The following SLIT1 variants were observed in gnomAD, a reference collection of about 807,000 sequenced individuals.
SLIT1 encodes the protein slit homolog 1 protein.
In SLIT1, 66 loss-of-function variants were observed where a neutral mutation model predicts 186.1. The observed-to-expected ratio is 0.35, with a 90% confidence interval of 0.29 to 0.44. The LOEUF (loss-of-function observed/expected upper bound fraction) is 0.44, where lower values mean the gene tolerates loss of function less well. SLIT1 is among the 20% of genes least tolerant of loss of function. SLIT1 has a pLI of 1.00. For missense variants in SLIT1, 1,638 were observed against 2,037.4 expected (o/e 0.80, Z 3.77); for synonymous variants, 761 against 833.8 (o/e 0.91, Z 1.50).
intron 4 of SLIT1, among the ~76,000 whole-genome samples, chr10:97,084,104 C>T (rs1304435823): frequency 6.6e-6 from 1 of 152,208 alleles, no homozygotes; most frequent in East Asian, 1.9e-4. Flanking sequence ...CAGCCAAATT[C>T]TGGGGGAGAC....
intron 7 of SLIT1, among the ~76,000 whole-genome samples, chr10:97,063,845 C>G (rs905133462): frequency 2.0e-5 from 3 of 152,158 alleles, no homozygotes; most frequent in Non-Finnish European, 2.9e-5. Context: ...ACAGCTGGAC[C>G]GGAATGTACC....
At chr10:97,116,029 A>G (rs1445315017) in intron 4 of SLIT1, among the ~76,000 whole-genome samples, 1 of 152,224 alleles carries the variant, frequency 6.6e-6, no homozygotes, top group East Asian at 1.9e-4. Context: ...TGGTTGTGCC[A>G]GTTCACCTGC....
At chr10:97,169,904 C>T (rs1030142945) in intron 1 of SLIT1, among the ~76,000 whole-genome samples, 5 of 152,228 alleles carry the variant, frequency 3.3e-5, no homozygotes, top group Admixed American at 6.5e-5. Context: ...AGTGGTGGGG[C>T]GGGATCAGAC....
Position 97,165,002 on chromosome 10 carries a change from G to A in SLIT1, c.198-112C>T, listed in dbSNP as rs565258578. 330 of 771,890 alleles carry A rather than the reference G, an allele frequency of 4.3e-4. 1 individual carries two copies. Among genetic ancestry groups the A allele is most frequent in the Non-Finnish European group, 6.6e-4 (286 of 434,518 alleles). The allele number at this position is 771,890 out of a possible 1,614,324, so 47.8% of individuals were successfully genotyped here. On this transcript the variant is annotated intron_variant, in intron 1 of 36. Transcript: ENST00000266058. ...TGGATCAGCCAGTCGTCTCATCAGC[G>A]GGGCTGGGGGCTTCTGTGAGTTGAG... is the stretch of plus-strand genomic sequence containing the variant.
At chr10:97,118,631 G>C (rs535046380) in intron 4 of SLIT1, among the ~76,000 whole-genome samples, 25 of 152,262 alleles carry the variant, frequency 1.6e-4, no homozygotes, top group Non-Finnish European at 2.9e-4. Context: ...ATTATTAAGG[G>C]GGAAGGAAAC....
In SLIT1 at chr10:97,043,272, C is replaced by T; in HGVS notation, c.1997+98G>A. Reference sequence around the variant, plus strand: ...CACGTTTCAGCAAACCACGAAGACCCAGCACCCCCAGGGTGAGCTCTTTCA... The same window carrying T: ...CACGTTTCAGCAAACCACGAAGACCTAGCACCCCCAGGGTGAGCTCTTTCA... On this transcript the variant is annotated intron_variant, in intron 19 of 36. Transcript: ENST00000266058. The surrounding 1 kb of genome is among the most constrained non-coding windows in gnomAD (Gnocchi z 7.0). 6.7e-7 allele frequency: 1 copy of T among 1,491,018 alleles called. No homozygotes were observed. Among genetic ancestry groups the T allele is most frequent in the South Asian group, 1.2e-5 (1 of 84,114 alleles). 92.4% of individuals were successfully genotyped at this position (1,491,018 alleles called of 1,614,324 possible).
chr10:97,016,401 TA>T (rs1358322168), intron 28 of SLIT1, among the ~76,000 whole-genome samples: 2 of 152,210 alleles, frequency 1.3e-5, no homozygotes, highest in African/African-American at 2.4e-5. Flanking sequence ...AAGCTTAATT[TA>T]TTTTTTTATT....
In SLIT1 at chr10:97,039,754, A is replaced by C. The variant is rs185987464; in HGVS notation, c.2297+234T>G. On this transcript the variant is annotated intron_variant, in intron 21 of 36. Transcript: ENST00000266058. ...GGCGGAGCTTAGTTTAAAGGGAGGA[A>C]GCACTCGCTGCCATGCGGTCATCAG... Among the ~76,000 whole-genome samples the C allele has an allele frequency of 3.3e-5, 5 of 152,368 alleles. No individual in the cohort carries two copies. The East Asian group carries it at 9.6e-4, about 29-fold the overall frequency.
In SLIT1 at chr10:97,065,939, C is replaced by G. The variant is rs1027152170; in HGVS notation, c.485+76G>C. The G allele has an allele frequency of 7.0e-6, 8 of 1,139,162 alleles. No homozygotes were observed. In the Middle Eastern group the frequency reaches 7.6e-4, roughly 109 times the overall value. The allele number at this position is 1,139,162 out of a possible 1,614,324, so 70.6% of individuals were successfully genotyped here. On this transcript the variant is annotated intron_variant, in intron 5 of 36. Transcript: ENST00000266058. ...GGCTGCCTGGACCACACGGCTCGCT[C>G]AGGGATACCCTGAGGATGCTGCCAG...
At chr10:97,044,802 A>G (rs1374015013) in intron 18 of SLIT1, among the ~76,000 whole-genome samples, 3 of 152,232 alleles carry the variant, frequency 2.0e-5, no homozygotes, top group Non-Finnish European at 4.4e-5. Flanking sequence ...CAAGAGTATT[A>G]TCATGCATTA....
chr10:97,081,062 G>A (rs899305370), intron 4 of SLIT1, among the ~76,000 whole-genome samples: 38 of 152,282 alleles, frequency 2.5e-4, no homozygotes, highest in African/African-American at 8.9e-4. Context: ...CCCTTCACAC[G>A]CATCACTTTT....
rs925985829 is a variant in SLIT1, at chr10:97,023,528, G to A, written c.2583-2115C>T. 2.2e-4 allele frequency among the ~76,000 whole-genome samples: 33 copies of A among 152,178 alleles called. 1 individual carries two copies. The highest frequency in any genetic ancestry group is 1.5e-5 in the Non-Finnish European group (1 of 68,040). ...CAAGGCTGGGCCTGCTCTCACGCCT[G>A]CACCAACATACTGCCAACCCCTTTG... is the stretch of plus-strand genomic sequence containing the variant. On this transcript the variant is annotated intron_variant, in intron 25 of 36. Coordinates refer to ENST00000266058, the MANE Select transcript of SLIT1 (RefSeq NM_003061.3).
chr10:97,133,600 T>A lies in SLIT1; in HGVS notation c.413+24218A>T, dbSNP rs117022674. 3.9e-3 allele frequency among the ~76,000 whole-genome samples: 599 copies of A among 152,318 alleles called. 1 individual carries two copies. Among genetic ancestry groups the A allele is most frequent in the Middle Eastern group, 0.01 (3 of 294 alleles). On this transcript the variant is annotated intron_variant, in intron 4 of 36. Transcript: ENST00000266058. Reference sequence around the variant, plus strand: ...AGATCGGGTCCACAACGATGCGAACTTAACATTACTGAACAGTACACTGAA... The same window carrying A: ...AGATCGGGTCCACAACGATGCGAACATAACATTACTGAACAGTACACTGAA...
At position 97,185,829 on chromosome 10, in the gene SLIT1, C is replaced by T. The variant is rs1344272984; in HGVS notation, c.-155G>A. On this transcript the variant is annotated 5_prime_UTR_variant, in exon 1 of 37. Coordinates refer to ENST00000266058, the MANE Select transcript of SLIT1 (RefSeq NM_003061.3). ...CTGCGGGCTGGGAGGCACCTTGCTC[C>T]TCCAAGCGACGGCGCCTGTGCGCGG... 1 of 603,210 alleles carries T rather than the reference C, an allele frequency of 1.7e-6. No homozygotes were observed. The highest frequency in any genetic ancestry group is 2.6e-6 in the Non-Finnish European group (1 of 381,308). 37.4% of individuals were successfully genotyped at this position (603,210 alleles called of 1,614,324 possible).
At chr10:97,051,885 T>C (rs1223892550) in intron 13 of SLIT1, among the ~76,000 whole-genome samples, 1 of 151,832 alleles carries the variant, frequency 6.6e-6, no homozygotes, top group African/African-American at 2.4e-5. Context: ...AGCAACATTG[T>C]TCATAATGTC....
At chr10:97,031,819 CAT>C (rs1848593963) in intron 23 of SLIT1, 142 bp from the exon 24 acceptor site, 1 of 646,540 alleles carries the variant, frequency 1.5e-6, no homozygotes, top group Non-Finnish European at 2.7e-6. Context: ...CCGGCAAGTG[CAT>C]GGGCTGGGCT....
At chr10:97,096,503 G>A (rs1004416847) in intron 4 of SLIT1, among the ~76,000 whole-genome samples, 2 of 152,052 alleles carry the variant, frequency 1.3e-5, no homozygotes, top group Non-Finnish European at 2.9e-5. Flanking sequence ...CCGGGAGCCC[G>A]CTGACATTTA....
At chr10:97,054,132 G>T (rs1026834141) in intron 13 of SLIT1, among the ~76,000 whole-genome samples, 2 of 152,054 alleles carry the variant, frequency 1.3e-5, no homozygotes, top group Admixed American at 1.3e-4. Flanking sequence ...AATCGTGGCA[G>T]AAGGCGAAGC....
intron 2 of SLIT1, 125 bp downstream of exon 2, chr10:97,164,693 GC>G: frequency 1.4e-6 from 1 of 738,554 alleles, no homozygotes; most frequent in Non-Finnish European, 2.4e-6. Context: ...AGGATGTCTT[GC>G]CAAGACTGAC....
Sources: allele counts gnomAD v4.1 joint callset (sites outside exome capture counted in the v4.1 genomes callset), GRCh38; gene constraint gnomAD v4.1.1; non-coding constraint Gnocchi (gnomAD v3.1); transcripts MANE v1.5; gene names NCBI Gene and HGNC (gene_info 2026-07-23, HGNC 2026-07-21).